The following TNIK variants were observed in gnomAD, a reference collection of about 807,000 sequenced individuals.
The protein encoded by TNIK is TRAF2 and NCK interacting kinase.
A neutral mutation model predicts 191.3 loss-of-function variants in TNIK; 49 were observed. That is an observed-to-expected ratio of 0.26 (90% CI 0.20 to 0.32). The LOEUF (loss-of-function observed/expected upper bound fraction) is 0.32. Among genes scored for constraint, TNIK ranks in the 10% least tolerant of loss-of-function variants. TNIK has a pLI of 1.00. For missense variants in TNIK, 1,155 were observed against 1,702.3 expected, an observed-to-expected ratio of 0.68 and a Z score of 5.66; for synonymous variants, 594 against 600.9, an observed-to-expected ratio of 0.99 and a Z score of 0.17.
intron 1 of TNIK, among the ~76,000 whole-genome samples, chr3:171,407,016 A>G (rs1454228034): frequency 2.0e-5 from 3 of 152,176 alleles, no homozygotes; most frequent in Non-Finnish European, 2.9e-5. Flanking sequence ...GAGTGAGGAG[A>G]GGCAGAGGGG....
rs530784217 is a variant in TNIK, at chr3:171,183,747, C to A, written c.639+4955G>T. Among the ~76,000 whole-genome samples, 43 of 152,070 alleles carry A rather than the reference C, an allele frequency of 2.8e-4. 1 individual carries two copies. In the South Asian group the frequency reaches 8.9e-3, roughly 32 times the overall value. On this transcript the variant is annotated intron_variant, in intron 7 of 32. Transcript: ENST00000436636. ...ACCAGCCTGGCCAACACAGTGAAAC[C>A]CTGTCTCTACTAAAAACACAAAAAT...
intron 1 of TNIK, among the ~76,000 whole-genome samples, chr3:171,459,517 G>A (rs565152342): frequency 2.6e-4 from 39 of 152,154 alleles, no homozygotes; most frequent in Non-Finnish European, 5.1e-4. Context: ...CCCTTGGAGC[G>A]GCAGGTTCGG....
intron 12 of TNIK, among the ~76,000 whole-genome samples, chr3:171,144,066 T>G (rs1271735280): frequency 6.6e-6 from 1 of 152,234 alleles, no homozygotes; most frequent in Admixed American, 6.5e-5. Context: ...ATGAAGATAG[T>G]GGTCCTGCTA....
chr3:171,410,633 G>T, intron 1 of TNIK, among the ~76,000 whole-genome samples: 1 of 151,936 alleles, frequency 6.6e-6, no homozygotes, highest in Non-Finnish European at 1.5e-5. Flanking sequence ...CAAAAAATTG[G>T]CCAGGCGTGG....
chr3:171,094,114 G>A lies in TNIK; in HGVS notation c.2592-146C>T, dbSNP rs367985242. 2.3e-4 allele frequency: 243 copies of A among 1,056,400 alleles called. 8 individuals are homozygous for A. In the South Asian group the frequency reaches 5.0e-3, roughly 22 times the overall value. The allele number at this position is 1,056,400 out of a possible 1,614,324, so 65.4% of individuals were successfully genotyped here. On this transcript the variant is annotated intron_variant, in intron 22 of 32. Transcript: ENST00000436636. ...GTACCAATTTTAAGTGTACATGTCA[G>A]TGGTCTTAAGTACATCTCATATTAA...
intron 7 of TNIK, among the ~76,000 whole-genome samples, chr3:171,186,126 T>C (rs1356063675): frequency 1.3e-5 from 2 of 152,246 alleles, no homozygotes; most frequent in African/African-American, 4.8e-5. Flanking sequence ...GGATAGTCTA[T>C]AAATATGCAC....
chr3:171,234,035 C>A (rs1560298317), intron 2 of TNIK, among the ~76,000 whole-genome samples: 1 of 152,076 alleles, frequency 6.6e-6, no homozygotes, highest in Non-Finnish European at 1.5e-5. Context: ...ACAGAGAAAC[C>A]AGAAATTGGT....
chr3:171,270,041 C>T (rs1275066339), intron 2 of TNIK, among the ~76,000 whole-genome samples: 3 of 152,172 alleles, frequency 2.0e-5, no homozygotes, highest in Non-Finnish European at 4.4e-5. Flanking sequence ...CACCCACACA[C>T]ATATTCACAC....
chr3:171,209,630 T>C (rs905215828), intron 4 of TNIK, among the ~76,000 whole-genome samples: 1 of 152,160 alleles, frequency 6.6e-6, no homozygotes, highest in Non-Finnish European at 1.5e-5. Flanking sequence ...CTATTATACA[T>C]TTAGAGGCCA....
chr3:171,127,610 G>A (rs1728668981), intron 16 of TNIK, among the ~76,000 whole-genome samples: 2 of 152,002 alleles, frequency 1.3e-5, no homozygotes, highest in African/African-American at 4.8e-5. Context: ...AACGTTAGGG[G>A]TTTTAAAAGA....
At chr3:171,173,132 C>A (rs1447182001) in intron 9 of TNIK, among the ~76,000 whole-genome samples, 1 of 151,538 alleles carries the variant, frequency 6.6e-6, no homozygotes, top group Non-Finnish European at 1.5e-5. Context: ...CGCCTGTAAT[C>A]CCAGCACTTT....
intron 23 of TNIK, among the ~76,000 whole-genome samples, chr3:171,092,456 C>T (rs761411296): frequency 4.6e-5 from 7 of 152,312 alleles, no homozygotes; most frequent in South Asian, 4.1e-4. Context: ...AACAGCAACT[C>T]ACTCCAGAAC....
At chr3:171,072,455 T>C (rs926963070) in intron 28 of TNIK, among the ~76,000 whole-genome samples, 6 of 152,052 alleles carry the variant, frequency 3.9e-5, no homozygotes, top group Non-Finnish European at 8.8e-5. Context: ...GAGCCATATA[T>C]GACAAACCCA....
chr3:171,220,952 T>A (rs1205653160), intron 3 of TNIK, among the ~76,000 whole-genome samples: 1 of 152,108 alleles, frequency 6.6e-6, no homozygotes, highest in East Asian at 1.9e-4. Flanking sequence ...ACAGCATGCA[T>A]GAACATGCGC....
chr3:171,394,565 T>C (rs1448359794), intron 1 of TNIK, among the ~76,000 whole-genome samples: 5 of 152,240 alleles, frequency 3.3e-5, no homozygotes, highest in Admixed American at 3.3e-4. Context: ...CTGCCTGGCA[T>C]GGAGTTGAAG....
At chr3:171,131,696 A>G (rs1395342597) in intron 15 of TNIK, among the ~76,000 whole-genome samples, 1 of 152,240 alleles carries the variant, frequency 6.6e-6, no homozygotes, top group Non-Finnish European at 1.5e-5. Context: ...CTTTGTCTCA[A>G]GAAAACCTAG....
chr3:171,374,844 G>A (rs551764378), intron 1 of TNIK, among the ~76,000 whole-genome samples: 2 of 151,460 alleles, frequency 1.3e-5, no homozygotes, highest in South Asian at 2.1e-4. Flanking sequence ...TTCATGAATA[G>A]CTCATTTATC....
chr3:171,425,276 A>T (rs2108642803), intron 1 of TNIK, among the ~76,000 whole-genome samples: 1 of 152,318 alleles, frequency 6.6e-6, no homozygotes, highest in African/African-American at 2.4e-5. Context: ...TCAGCTAAAC[A>T]TTAGTAATGT....
At chr3:171,428,290 A>G (rs144992647) in intron 1 of TNIK, among the ~76,000 whole-genome samples, 143 of 152,332 alleles carry the variant, frequency 9.4e-4, no homozygotes, top group African/African-American at 3.3e-3. Flanking sequence ...AGAAGATAAA[A>G]TACCAAAAAG....
Sources: allele counts gnomAD v4.1 joint callset (sites outside exome capture counted in the v4.1 genomes callset), GRCh38; gene constraint gnomAD v4.1.1; transcripts MANE v1.5; gene names NCBI Gene and HGNC (gene_info 2026-07-23, HGNC 2026-07-21).